The following EPB41 variants were observed in gnomAD, a reference collection of about 807,000 sequenced individuals.
EPB41 encodes erythrocyte membrane protein band 4.1, also known as protein 4.1.
A neutral mutation model predicts 108.0 loss-of-function variants in EPB41; 65 were observed. The observed-to-expected ratio is 0.60, with a 90% CI of 0.49 to 0.74. The LOEUF is 0.74. Among genes scored for constraint, EPB41 ranks in the 30% least tolerant of loss-of-function variants. EPB41 has a pLI of 0.00. For synonymous variants in EPB41, 336 were observed against 358.9 expected, an observed-to-expected ratio of 0.94 and a Z score of 0.72; for missense variants, 875 against 1,037.0, an observed-to-expected ratio of 0.84 and a Z score of 2.15.
intron 16 of EPB41, among the ~76,000 whole-genome samples, chr1:29,076,972 C>G (rs189019761): frequency 1.7e-4 from 26 of 152,270 alleles, no homozygotes; most frequent in Admixed American, 1.1e-3. Context: ...TCCCATTTAC[C>G]ACATTGCCTT....
chr1:29,088,465 G>A (rs539755570), intron 16 of EPB41, among the ~76,000 whole-genome samples: 1 of 152,200 alleles, frequency 6.6e-6, no homozygotes, highest in East Asian at 1.9e-4. Flanking sequence ...TTCAGACACA[G>A]CCATATATTC....
At chr1:29,049,416 C>G (rs1041766050) in intron 11 of EPB41, among the ~76,000 whole-genome samples, 1 of 152,182 alleles carries the variant, frequency 6.6e-6, no homozygotes, top group Non-Finnish European at 1.5e-5. Context: ...GTGATTCTTG[C>G]CAGGGGTGTA....
intron 17 of EPB41, among the ~76,000 whole-genome samples, chr1:29,098,932 C>G (rs1664244686): frequency 6.6e-6 from 1 of 150,560 alleles, no homozygotes; most frequent in South Asian, 2.1e-4. Flanking sequence ...ACCATGTTGG[C>G]CAGGCTAGTC....
chr1:29,115,755 C>G lies in EPB41; in HGVS notation c.2553C>G (p.Thr851=), dbSNP rs1670726996. Reference sequence around the variant, plus strand: ...AGCAGCACCCAGACATGTCAGTGACCAAGGTGGTCGTCCACCAGGAGACCG... The same window carrying G: ...AGCAGCACCCAGACATGTCAGTGACGAAGGTGGTCGTCCACCAGGAGACCG... ...AKEQHPDMSV[T]KVVVHQETEI... is the part of the protein sequence containing the mutation. Residue 851 remains threonine, a synonymous_variant, in exon 20 of 21, where the codon ACC becomes ACG. Coordinates refer to ENST00000343067, the MANE Select transcript of EPB41 (RefSeq NM_001376013.1). The surrounding 1 kb of genome is among the most constrained non-coding windows in gnomAD (Gnocchi z 4.4). 1.9e-6 allele frequency: 3 copies of G among 1,613,958 alleles called. No homozygotes were observed. Among genetic ancestry groups the G allele is most frequent in the Admixed American group, 1.7e-5 (1 of 59,996 alleles).
intron 7 of EPB41, among the ~76,000 whole-genome samples, chr1:29,028,104 G>C (rs946466309): frequency 1.3e-5 from 2 of 151,272 alleles, no homozygotes; most frequent in African/African-American, 4.9e-5. Context: ...GATTATAGAC[G>C]TGAGCCACCG....
At chr1:28,924,985 A>G (rs2093357274) in intron 1 of EPB41, among the ~76,000 whole-genome samples, 6 of 118,334 alleles carry the variant, frequency 5.1e-5, no homozygotes, top group African/African-American at 9.9e-5. Flanking sequence ...TTTTTTTTTG[A>G]GATGGAGTCT....
intron 1 of EPB41, among the ~76,000 whole-genome samples, chr1:28,916,867 T>C (rs1409275006): frequency 6.6e-6 from 1 of 151,948 alleles, no homozygotes; most frequent in Non-Finnish European, 1.5e-5. Context: ...CACGGCTCAC[T>C]GCAGCCTTAA....
intron 1 of EPB41, among the ~76,000 whole-genome samples, chr1:28,987,124 C>T (rs778312597): frequency 1.4e-4 from 21 of 152,238 alleles, no homozygotes; most frequent in Non-Finnish European, 3.1e-4. Flanking sequence ...ACTGTATTTA[C>T]TGTATACAGT....
At chr1:28,917,238 ATC>A (rs373283904) in intron 1 of EPB41, among the ~76,000 whole-genome samples, 58 of 151,460 alleles carry the variant, frequency 3.8e-4, no homozygotes, top group African/African-American at 1.1e-3. Flanking sequence ...TTGCTTTGCC[ATC>A]TCTCTCTCTG....
chr1:29,061,902 C>T (rs9426306), intron 15 of EPB41, among the ~76,000 whole-genome samples: 22,603 of 152,000 alleles, frequency 0.15, 2,063 homozygotes, highest in East Asian at 0.47. Flanking sequence ...ACTAGATAGA[C>T]CTCTGGCTTA....
At chr1:29,077,076 G>C (rs1410397189) in intron 16 of EPB41, among the ~76,000 whole-genome samples, 2 of 152,104 alleles carry the variant, frequency 1.3e-5, no homozygotes, top group African/African-American at 2.4e-5. Flanking sequence ...TCTTGTACTG[G>C]CACATAAATT....
chr1:28,921,443 A>G (rs2093060025), intron 1 of EPB41, among the ~76,000 whole-genome samples: 1 of 152,030 alleles, frequency 6.6e-6, no homozygotes, highest in Non-Finnish European at 1.5e-5. Flanking sequence ...GTTTTTGGCC[A>G]TATGGACACA....
At chr1:28,957,130 A>G (rs998819336) in intron 1 of EPB41, among the ~76,000 whole-genome samples, 7 of 152,400 alleles carry the variant, frequency 4.6e-5, no homozygotes, top group African/African-American at 1.4e-4. Flanking sequence ...GGCATAGGCC[A>G]TGTATCTTGT....
intron 1 of EPB41, among the ~76,000 whole-genome samples, chr1:28,970,701 A>G (rs772166000): frequency 2.0e-5 from 3 of 152,230 alleles, no homozygotes; most frequent in African/African-American, 4.8e-5. Context: ...GATTGATCTG[A>G]AGGTCACTTA....
intron 16 of EPB41, among the ~76,000 whole-genome samples, chr1:29,087,599 T>C (rs977041352): frequency 2.0e-5 from 3 of 150,204 alleles, no homozygotes; most frequent in African/African-American, 7.3e-5. Context: ...CAACCTCCGA[T>C]GATCACCCGC....
chr1:28,922,066 T>G (rs2093137645), intron 1 of EPB41, among the ~76,000 whole-genome samples: 1 of 148,542 alleles, frequency 6.7e-6, no homozygotes, highest in South Asian at 2.2e-4. Flanking sequence ...GCCTCCCAGG[T>G]TGAAGCGATT....
intron 8 of EPB41, among the ~76,000 whole-genome samples, chr1:29,032,097 TAA>T (rs76135314): frequency 9.5e-4 from 122 of 127,946 alleles, no homozygotes; most frequent in African/African-American, 2.0e-3. Context: ...GACTCTGTCT[TAA>T]AAAAAAAAAA....
chr1:29,004,326 C>G (rs1003216421), intron 4 of EPB41, among the ~76,000 whole-genome samples: 4 of 152,144 alleles, frequency 2.6e-5, no homozygotes, highest in African/African-American at 9.7e-5. Context: ...TAGTCATTGT[C>G]TTTTTCCATC....
chr1:28,989,230 TG>T (rs2095948093), intron 2 of EPB41: 2 of 172,886 alleles, frequency 1.2e-5, no homozygotes, highest in African/African-American at 2.4e-5. Context: ...TATATTAGTC[TG>T]GGGCCTTAAT....
Sources: gnomAD v4.1 joint callset for allele counts (sites outside exome capture counted in the v4.1 genomes callset) on GRCh38, gnomAD v4.1.1 for gene constraint, Gnocchi (gnomAD v3.1) non-coding constraint, MANE v1.5 for transcripts, NCBI Gene and HGNC (gene_info 2026-07-23, HGNC 2026-07-21) for gene names.